Variants in SHANK2 observed in about 807,000 individuals in gnomAD.
The protein encoded by SHANK2 is SH3 and multiple ankyrin repeat domains 2.
A neutral mutation model predicts 133.7 loss-of-function variants in SHANK2; 43 were observed. The ratio of observed to expected loss-of-function variants is 0.32; its 90% CI spans 0.25 to 0.41. SHANK2 has a LOEUF of 0.41. Among genes scored for constraint, SHANK2 ranks in the 10% least tolerant of loss-of-function variants. SHANK2 has a pLI of 1.00. For missense variants in SHANK2, 1,994 were observed against 2,235.8 expected (o/e 0.89, Z 2.18); for synonymous variants, 1,017 against 952.8 (o/e 1.07, Z -1.24).
intron 17 of SHANK2, among the ~76,000 whole-genome samples, chr11:70,656,372 A>G (rs1415020095): frequency 7.9e-5 from 12 of 151,240 alleles, no homozygotes; most frequent in Admixed American, 2.0e-4. Context: ...CTCACCTCTG[A>G]CCTGCATAGA....
At chr11:70,589,825 G>A (rs1244540409) in intron 17 of SHANK2, among the ~76,000 whole-genome samples, 1 of 152,182 alleles carries the variant, frequency 6.6e-6, no homozygotes, top group African/African-American at 2.4e-5. Context: ...AGAGGTCACT[G>A]CAGATGTGGT....
chr11:71,163,576 TC>T (rs1953073057), intron 2 of SHANK2, among the ~76,000 whole-genome samples: 1 of 152,174 alleles, frequency 6.6e-6, no homozygotes, highest in South Asian at 2.1e-4. Context: ...CATTGTGACT[TC>T]CCCTTATCTG....
At chr11:71,134,239 G>A (rs34575237) in intron 3 of SHANK2, among the ~76,000 whole-genome samples, 188 of 151,302 alleles carry the variant, frequency 1.2e-3, no homozygotes, top group Non-Finnish European at 2.4e-3. Flanking sequence ...CATCACTGAC[G>A]ATGGCCAGAG....
chr11:71,140,137 T>C (rs1418276184), intron 3 of SHANK2, among the ~76,000 whole-genome samples: 1 of 152,180 alleles, frequency 6.6e-6, no homozygotes, highest in Non-Finnish European at 1.5e-5. Context: ...GGGAACAATG[T>C]CTGCTTTGTT....
chr11:70,514,085 T>G (rs1421279974), intron 17 of SHANK2, among the ~76,000 whole-genome samples: 1 of 152,244 alleles, frequency 6.6e-6, no homozygotes, highest in Non-Finnish European at 1.5e-5. Context: ...TAGTCAATTC[T>G]GCTCAAAGCC....
intron 14 of SHANK2, among the ~76,000 whole-genome samples, chr11:70,748,413 C>G (rs1946687008): frequency 6.6e-6 from 1 of 152,130 alleles, no homozygotes; most frequent in Non-Finnish European, 1.5e-5. Context: ...CCCTGCCCAC[C>G]CCCACAACCA....
At chr11:70,661,063 G>A (rs560123069) in intron 16 of SHANK2, among the ~76,000 whole-genome samples, 5 of 152,332 alleles carry the variant, frequency 3.3e-5, no homozygotes, top group African/African-American at 7.2e-5. Flanking sequence ...CTCAGTCCAC[G>A]GCAGAGGGGA....
chr11:70,802,160 A>T (rs997947457), intron 13 of SHANK2, among the ~76,000 whole-genome samples: 1 of 152,134 alleles, frequency 6.6e-6, no homozygotes, highest in Non-Finnish European at 1.5e-5. Context: ...GGCTAGAAAG[A>T]AGGTTCATCC....
In SHANK2 at chr11:71,147,287, G is replaced by A. The variant is rs1555106911; in HGVS notation, c.40C>T (p.Gln14Ter). ...SPTSSEDEMA[Q>*]SFSDYSVGSE... is the part of the protein sequence containing the mutation. ...CCCACGGAGTAGTCGGAGAAGCTCT[G>A]GGCCATCTCGTCCTCGCTGGATGTT... Residue 14 changes from glutamine to a stop codon, truncating the protein, a stop_gained, in exon 3 of 26, where the codon CAG becomes TAG. Transcript: ENST00000601538. LOFTEE classifies it high-confidence loss of function. The A allele has an allele frequency of 6.4e-7, 1 of 1,550,926 alleles. No individual in the cohort carries two copies. The highest frequency in any genetic ancestry group is 1.4e-5 in the African/African-American group (1 of 73,048).
intron 21 of SHANK2, among the ~76,000 whole-genome samples, chr11:70,498,550 T>G (rs2059005551): frequency 6.6e-6 from 1 of 152,194 alleles, no homozygotes; most frequent in Non-Finnish European, 1.5e-5. Context: ...GACAGCCGGC[T>G]TCTTCCTGAG....
At chr11:71,235,431 TA>T (rs1368021249) in intron 1 of SHANK2, among the ~76,000 whole-genome samples, 2 of 151,888 alleles carry the variant, frequency 1.3e-5, no homozygotes, top group Admixed American at 1.3e-4. Flanking sequence ...CTGTCTCTAC[TA>T]AAAATACAAA....
At chr11:70,755,328 TC>T (rs1946844802) in intron 14 of SHANK2, among the ~76,000 whole-genome samples, 1 of 152,238 alleles carries the variant, frequency 6.6e-6, no homozygotes, top group Non-Finnish European at 1.5e-5. Flanking sequence ...TGCCTCGGCC[TC>T]CCAAAGCGCT....
intron 17 of SHANK2, among the ~76,000 whole-genome samples, chr11:70,628,182 A>T (rs914315436): frequency 6.6e-6 from 1 of 152,160 alleles, no homozygotes; most frequent in African/African-American, 2.4e-5. Context: ...CTGGTCTCGA[A>T]CTCCTGACCT....
At chr11:71,062,780 G>C (rs1410968031) in intron 9 of SHANK2, among the ~76,000 whole-genome samples, 2 of 152,084 alleles carry the variant, frequency 1.3e-5, no homozygotes, top group African/African-American at 2.4e-5. Flanking sequence ...AGGATTGCTT[G>C]AGTCTAGGAG....
At chr11:70,740,049 C>T (rs553036758) in intron 14 of SHANK2, among the ~76,000 whole-genome samples, 5 of 151,806 alleles carry the variant, frequency 3.3e-5, no homozygotes, top group East Asian at 3.9e-4. Flanking sequence ...TTAATGGCTC[C>T]GTCCACAGCA....
At chr11:70,846,486 C>T (rs1948999322) in intron 11 of SHANK2, among the ~76,000 whole-genome samples, 2 of 151,880 alleles carry the variant, frequency 1.3e-5, no homozygotes, top group African/African-American at 4.8e-5. Flanking sequence ...CCCAGGCTGG[C>T]CTCAAGCGAT....
At chr11:70,948,395 G>A in intron 10 of SHANK2, 1 of 457,018 alleles carries the variant, frequency 2.2e-6, no homozygotes, top group African/African-American at 2.0e-5. Flanking sequence ...AACTCCATAT[G>A]TACTGGTGGA....
At chr11:70,799,673 G>A (rs1331810952) in intron 13 of SHANK2, among the ~76,000 whole-genome samples, 12 of 152,084 alleles carry the variant, frequency 7.9e-5, no homozygotes, top group Non-Finnish European at 1.5e-5. Context: ...CAGGAGAGAA[G>A]GGATGGTGGC....
At chr11:71,189,360 T>C (rs1341043814) in intron 2 of SHANK2, among the ~76,000 whole-genome samples, 1 of 152,020 alleles carries the variant, frequency 6.6e-6, no homozygotes, top group African/African-American at 2.4e-5. Context: ...CCTCAGAGAG[T>C]TTCTCAGTAG....
Sources: gnomAD v4.1 joint callset for allele counts (sites outside exome capture counted in the v4.1 genomes callset) on GRCh38, gnomAD v4.1.1 for gene constraint, MANE v1.5 for transcripts, NCBI Gene and HGNC (gene_info 2026-07-23, HGNC 2026-07-21) for gene names.